Variants in MAST4 observed in about 807,000 individuals in gnomAD.
MAST4 encodes the protein microtubule associated serine/threonine kinase family member 4.
A neutral mutation model predicts 162.7 loss-of-function variants in MAST4; 89 were observed. The ratio of observed to expected loss-of-function variants is 0.55; its 90% CI spans 0.46 to 0.65. MAST4 has a LOEUF of 0.65. Ranked by LOEUF, MAST4 falls within the 30% of genes least tolerant of loss-of-function variation. The pLI, the probability that MAST4 is intolerant of heterozygous loss-of-function variation, is 0.00. For synonymous variants in MAST4, 1,479 were observed against 1,361.1 expected (o/e 1.09, Z -1.91); for missense variants, 3,153 against 3,374.0 (o/e 0.93, Z 1.62).
At chr5:66,607,924 C>T (rs1742997077) in intron 1 of MAST4, among the ~76,000 whole-genome samples, 1 of 152,014 alleles carries the variant, frequency 6.6e-6, no homozygotes, top group African/African-American at 2.4e-5. Flanking sequence ...TCCTGTCCCA[C>T]CTAGCTTTAT....
intron 4 of MAST4, among the ~76,000 whole-genome samples, chr5:67,038,982 C>T (rs75202724): frequency 3.5e-4 from 54 of 152,212 alleles, no homozygotes; most frequent in South Asian, 1.0e-3. Flanking sequence ...TTTATGTAAA[C>T]GAGCTCCACA....
intron 1 of MAST4, among the ~76,000 whole-genome samples, chr5:66,699,773 G>A (rs1280059724): frequency 7.0e-6 from 1 of 141,894 alleles, no homozygotes; most frequent in African/African-American, 2.5e-5. Flanking sequence ...GGGCGGGGGG[G>A]AAGGGAGGGA....
At chr5:67,039,070 G>A (rs550135982) in intron 4 of MAST4, among the ~76,000 whole-genome samples, 38 of 152,248 alleles carry the variant, frequency 2.5e-4, no homozygotes, top group Non-Finnish European at 4.7e-4. Context: ...GCTATCGACA[G>A]GTTTTATTTT....
chr5:66,871,897 A>T (rs1270726953), intron 3 of MAST4, among the ~76,000 whole-genome samples: 1 of 152,194 alleles, frequency 6.6e-6, no homozygotes, highest in Non-Finnish European at 1.5e-5. Context: ...TGTTCATATA[A>T]GGGTGGAAAA....
intron 1 of MAST4, among the ~76,000 whole-genome samples, chr5:66,608,307 T>G (rs1743033512): frequency 6.7e-6 from 1 of 149,906 alleles, no homozygotes; most frequent in African/African-American, 2.5e-5. Flanking sequence ...CCACCTGCCT[T>G]GGTCTCCCAA....
At chr5:66,915,275 A>G (rs1161664408) in intron 4 of MAST4, among the ~76,000 whole-genome samples, 1 of 149,366 alleles carries the variant, frequency 6.7e-6, no homozygotes, top group Non-Finnish European at 1.5e-5. Context: ...TCAAAAAAAA[A>G]AAAAAAAAAA....
intron 3 of MAST4, among the ~76,000 whole-genome samples, chr5:66,878,823 G>T (rs993985092): frequency 3.9e-5 from 6 of 152,196 alleles, no homozygotes; most frequent in African/African-American, 1.4e-4. Flanking sequence ...TCCTAGCCCA[G>T]TTTACAAGGA....
At position 66,751,975 on chromosome 5, in the gene MAST4, G is replaced by A. The variant is rs566725239; in HGVS notation, c.364-7734G>A. Among the ~76,000 whole-genome samples, 629 of 150,364 alleles carry A rather than the reference G, an allele frequency of 4.2e-3. 3 individuals are homozygous for A. Among genetic ancestry groups the A allele is most frequent in the South Asian group, 0.022 (102 of 4,572 alleles). ...CAGAAACCCTACAAGCCAGAAGAGA[G>A]TGGGGGCCAATATTCAACATTCTTA... On this transcript the variant is annotated intron_variant, in intron 1 of 28. Transcript: ENST00000403625.
At chr5:66,829,285 G>T (rs572222912) in intron 3 of MAST4, among the ~76,000 whole-genome samples, 2 of 152,000 alleles carry the variant, frequency 1.3e-5, no homozygotes, top group Non-Finnish European at 2.9e-5. Context: ...ACCTCCGCTC[G>T]GCGGCATCTG....
At chr5:66,873,316 G>A (rs1761074441) in intron 3 of MAST4, among the ~76,000 whole-genome samples, 1 of 152,174 alleles carries the variant, frequency 6.6e-6, no homozygotes, top group Non-Finnish European at 1.5e-5. Context: ...AATGGCAAAT[G>A]GAAATGTGCA....
intron 6 of MAST4, among the ~76,000 whole-genome samples, chr5:67,090,772 C>A (rs919603811): frequency 3.3e-5 from 5 of 151,772 alleles, no homozygotes; most frequent in African/African-American, 1.2e-4. Context: ...ATAGCAGGCA[C>A]ACAATGTCAT....
intron 3 of MAST4, among the ~76,000 whole-genome samples, chr5:66,845,118 T>C (rs1206658830): frequency 1.1e-4 from 14 of 129,722 alleles, no homozygotes; most frequent in South Asian, 5.3e-4. Context: ...TATATATATA[T>C]ATATATATAC....
At chr5:66,809,350 C>T (rs1464731652) in intron 3 of MAST4, among the ~76,000 whole-genome samples, 1 of 152,194 alleles carries the variant, frequency 6.6e-6, no homozygotes, top group African/African-American at 2.4e-5. Context: ...TCACCCATGT[C>T]ACCATTACAA....
chr5:67,098,200 A>G (rs570537507), intron 7 of MAST4, among the ~76,000 whole-genome samples: 1 of 152,298 alleles, frequency 6.6e-6, no homozygotes, highest in East Asian at 1.9e-4. Context: ...TAAACATTAT[A>G]ATATCTGTAT....
chr5:66,788,607 C>CCCACCCAAA, intron 2 of MAST4, 63 bp from the exon 3 acceptor site: 2 of 1,373,722 alleles, frequency 1.5e-6, no homozygotes, highest in Non-Finnish European at 2.0e-6. Flanking sequence ...CCCCCACCCC[C>CCCACCCAAA]ATTGCAATAA....
intron 11 of MAST4, among the ~76,000 whole-genome samples, chr5:67,112,247 A>G (rs940938837): frequency 6.6e-6 from 1 of 152,182 alleles, no homozygotes; most frequent in African/African-American, 2.4e-5. Context: ...CCCTTTGGGC[A>G]TAGAGGAAAA....
chr5:66,622,297 G>A (rs534264281), intron 1 of MAST4, among the ~76,000 whole-genome samples: 18 of 152,246 alleles, frequency 1.2e-4, no homozygotes, highest in African/African-American at 4.3e-4. Context: ...TGGAGAATTC[G>A]AAGAATGGTA....
At chr5:66,902,383 C>T (rs940758888) in intron 4 of MAST4, among the ~76,000 whole-genome samples, 1 of 152,076 alleles carries the variant, frequency 6.6e-6, no homozygotes, top group African/African-American at 2.4e-5. Context: ...CGGGGTTTTC[C>T]AAATTTTTTT....
At chr5:67,161,412 C>T (rs748255605) in intron 27 of MAST4, among the ~76,000 whole-genome samples, 3 of 151,962 alleles carry the variant, frequency 2.0e-5, no homozygotes, top group African/African-American at 4.8e-5. Flanking sequence ...GATAAAATAC[C>T]GGCCGTTTTT....
Sources: allele counts gnomAD v4.1 joint callset (sites outside exome capture counted in the v4.1 genomes callset), GRCh38; gene constraint gnomAD v4.1.1; transcripts MANE v1.5; gene names NCBI Gene and HGNC (gene_info 2026-07-23, HGNC 2026-07-21).